CSNK1G1: variants seen among roughly 807,000 people sequenced by gnomAD.
CSNK1G1 encodes casein kinase 1 gamma 1.
A neutral mutation model predicts 59.6 loss-of-function variants in CSNK1G1; 22 were observed. That is an observed-to-expected ratio of 0.37 (90% CI 0.26 to 0.53). CSNK1G1 has a LOEUF of 0.53. Among genes scored for constraint, CSNK1G1 ranks in the 20% least tolerant of loss-of-function variants. The pLI, the probability that CSNK1G1 is intolerant of heterozygous loss-of-function variation, is 0.89. For synonymous variants in CSNK1G1, 179 were observed against 177.1 expected, an observed-to-expected ratio of 1.01 and a Z score of -0.08; for missense variants, 384 against 519.5, an observed-to-expected ratio of 0.74 and a Z score of 2.54.
In CSNK1G1 at chr15:64,216,598, A is replaced by C. The variant is rs754146616; in HGVS notation, c.408T>G (p.Phe136Leu). 1.2e-6 allele frequency: 2 copies of C among 1,613,936 alleles called. No homozygotes were observed. Among genetic ancestry groups the C allele is most frequent in the Non-Finnish European group, 1.7e-6 (2 of 1,179,862 alleles). ...CTATCATTAACACCGTCTTCAAAGTAAATGTTCGGTCACAGAGGTCAAACA... is the reference window on the plus strand; with the variant it reads ...CTATCATTAACACCGTCTTCAAAGTCAATGTTCGGTCACAGAGGTCAAACA... ...EDLFDLCDRT[F>L]TLKTVLMIAI... is the part of the protein sequence containing the mutation. The change falls in exon 5 of 12, where the codon TTT becomes TTG. Residue 136 changes from phenylalanine to leucine, a missense_variant. Phe to Leu is a conservative substitution (Grantham distance 22). Coordinates refer to ENST00000303052, the MANE Select transcript of CSNK1G1 (RefSeq NM_022048.5). The surrounding 1 kb of genome is among the most constrained non-coding windows in gnomAD (Gnocchi z 4.6).
chr15:64,351,968 T>C (rs1007952864), intron 1 of CSNK1G1, among the ~76,000 whole-genome samples: 5 of 152,110 alleles, frequency 3.3e-5, no homozygotes, highest in African/African-American at 7.2e-5. Flanking sequence ...CCAAAGCATA[T>C]GATCTCAACT....
intron 4 of CSNK1G1, among the ~76,000 whole-genome samples, chr15:64,240,086 T>C (rs1255219968): frequency 6.6e-6 from 1 of 152,008 alleles, no homozygotes. Context: ...ATACAAAAAT[T>C]AGCCAGGCAT....
At chr15:64,233,943 T>C (rs932766272) in intron 4 of CSNK1G1, among the ~76,000 whole-genome samples, 4 of 152,210 alleles carry the variant, frequency 2.6e-5, no homozygotes, top group African/African-American at 9.7e-5. Context: ...AATGGAAACA[T>C]TTAAATATCC....
intron 1 of CSNK1G1, among the ~76,000 whole-genome samples, chr15:64,347,615 AGAAGGAAGGAAG>A (rs756845486): frequency 6.6e-5 from 10 of 150,558 alleles, no homozygotes; most frequent in African/African-American, 2.0e-4. Context: ...AAACAAGGAA[AGAAGGAAGGAAG>A]GAAGGAAGGA....
chr15:64,262,471 C>T (rs1892747050), intron 2 of CSNK1G1, among the ~76,000 whole-genome samples: 2 of 152,132 alleles, frequency 1.3e-5, no homozygotes, highest in African/African-American at 4.8e-5. Flanking sequence ...AGAAAATGCA[C>T]AGGATGTGAT....
At chr15:64,241,339 G>A (rs997530323) in intron 4 of CSNK1G1, among the ~76,000 whole-genome samples, 2 of 152,190 alleles carry the variant, frequency 1.3e-5, no homozygotes, top group Admixed American at 6.5e-5. Context: ...TGTGCTCAAT[G>A]TCAGAGCACT....
chr15:64,231,647 T>C (rs1018837304), intron 4 of CSNK1G1, among the ~76,000 whole-genome samples: 9 of 151,964 alleles, frequency 5.9e-5, no homozygotes, highest in African/African-American at 2.2e-4. Context: ...TACTCTTCCA[T>C]TTTTATATGT....
chr15:64,191,944 A>G (rs922521801), intron 10 of CSNK1G1, among the ~76,000 whole-genome samples: 1 of 152,252 alleles, frequency 6.6e-6, no homozygotes, highest in Non-Finnish European at 1.5e-5. Flanking sequence ...ATAACATAGT[A>G]GAAAGGGCCA....
chr15:64,303,402 C>T lies in CSNK1G1; in HGVS notation c.-224-2679G>A, dbSNP rs920727931. Among the ~76,000 whole-genome samples, 57 of 149,830 alleles carry T rather than the reference C, an allele frequency of 3.8e-4. 1 individual carries two copies. Among genetic ancestry groups the T allele is most frequent in the African/African-American group, 1.2e-3 (50 of 40,722 alleles). ...GGCCAAGGTAGAAGGACTACTTGAG[C>T]CTAGAAGTTTGAAATGAGCCTGGGC... On this transcript the variant is annotated intron_variant, in intron 1 of 11. Coordinates refer to ENST00000303052, the MANE Select transcript of CSNK1G1 (RefSeq NM_022048.5).
At chr15:64,218,470 G>A (rs982568854) in intron 4 of CSNK1G1, among the ~76,000 whole-genome samples, 1 of 151,186 alleles carries the variant, frequency 6.6e-6, no homozygotes, top group African/African-American at 2.4e-5. Context: ...TTGGCCCACT[G>A]TAACCTCCGC....
intron 3 of CSNK1G1, among the ~76,000 whole-genome samples, chr15:64,258,744 C>T (rs1036090567): frequency 5.3e-5 from 8 of 152,048 alleles, no homozygotes; most frequent in African/African-American, 1.9e-4. Context: ...GACTTCTTTG[C>T]TTCTAATATG....
At chr15:64,202,734 T>A (rs1225685691) in intron 10 of CSNK1G1, among the ~76,000 whole-genome samples, 1 of 152,078 alleles carries the variant, frequency 6.6e-6, no homozygotes, top group East Asian at 1.9e-4. Context: ...TTGTATTTTA[T>A]GTAGAGACAG....
chr15:64,200,138 A>G lies in CSNK1G1; in HGVS notation c.1107+2944T>C, dbSNP rs994542108. Among the ~76,000 whole-genome samples the G allele has an allele frequency of 8.6e-5, 13 of 151,662 alleles. No homozygotes were observed. The highest frequency in any genetic ancestry group is 3.1e-4 in the African/African-American group (13 of 41,312). On this transcript the variant is annotated intron_variant, in intron 10 of 11. Coordinates refer to ENST00000303052, the MANE Select transcript of CSNK1G1 (RefSeq NM_022048.5). This position sits in a 1 kb window ranked among gnomAD's most constrained non-coding sequence, Gnocchi z 4.3. ...CAGGCACCTGTAATCCCAGCTTCTC[A>G]GGAAGCTGAGGCAGAAGAATCGCTT...
intron 10 of CSNK1G1, among the ~76,000 whole-genome samples, chr15:64,202,415 G>A (rs1220997414): frequency 6.6e-6 from 1 of 151,878 alleles, no homozygotes; most frequent in African/African-American, 2.4e-5. Flanking sequence ...GCTCCTTGGC[G>A]AGTAGGGCTA....
At chr15:64,324,989 A>G (rs1891871674) in intron 1 of CSNK1G1, among the ~76,000 whole-genome samples, 1 of 152,230 alleles carries the variant, frequency 6.6e-6, no homozygotes, top group Admixed American at 6.5e-5. Flanking sequence ...AATTATTACC[A>G]TACAGTCTGA....
intron 2 of CSNK1G1, among the ~76,000 whole-genome samples, chr15:64,280,542 A>C (rs1356394453): frequency 6.6e-6 from 1 of 152,016 alleles, no homozygotes; most frequent in Admixed American, 6.6e-5. Context: ...TTGTATTTTT[A>C]GTAGAGACAG....
chr15:64,302,140 C>A (rs1388558268), intron 1 of CSNK1G1, among the ~76,000 whole-genome samples: 1 of 152,060 alleles, frequency 6.6e-6, no homozygotes, highest in Non-Finnish European at 1.5e-5. Flanking sequence ...TCGCTCGTTG[C>A]CTAGGCTGGA....
intron 2 of CSNK1G1, among the ~76,000 whole-genome samples, chr15:64,269,621 G>A (rs1566927288): frequency 6.6e-6 from 1 of 151,236 alleles, no homozygotes; most frequent in Non-Finnish European, 1.5e-5. Context: ...AGCCTCCCGA[G>A]TAGGTGGGAT....
intron 2 of CSNK1G1, among the ~76,000 whole-genome samples, chr15:64,275,477 T>C (rs967996047): frequency 5.3e-5 from 8 of 152,226 alleles, no homozygotes; most frequent in Non-Finnish European, 1.0e-4. Context: ...TGCAGAAACA[T>C]TTCCCAAATG....
Sources: allele counts gnomAD v4.1 joint callset (sites outside exome capture counted in the v4.1 genomes callset), GRCh38; gene constraint gnomAD v4.1.1; non-coding constraint Gnocchi (gnomAD v3.1); transcripts MANE v1.5; gene names NCBI Gene and HGNC (gene_info 2026-07-23, HGNC 2026-07-21).